Variants in SMYD3 observed in about 807,000 individuals in gnomAD.
SMYD3 encodes SET and MYND domain containing 3, also known as histone-lysine N-methyltransferase SMYD3.
A neutral mutation model predicts 57.7 loss-of-function variants in SMYD3; 36 were observed. That is an observed-to-expected ratio of 0.62 (90% CI 0.48 to 0.82). The LOEUF is 0.82. Ranked by LOEUF, SMYD3 falls within the 40% of genes least tolerant of loss-of-function variation. The probability of loss-of-function intolerance (pLI) is 0.00; values close to 1 mark genes in which losing one functional copy is unlikely to be tolerated. For synonymous variants in SMYD3, 211 were observed against 195.0 expected (o/e 1.08, Z -0.68); for missense variants, 515 against 538.8 (o/e 0.96, Z 0.44).
chr1:245,898,013 C>A (rs2053941381), intron 8 of SMYD3, among the ~76,000 whole-genome samples: 1 of 152,128 alleles, frequency 6.6e-6, no homozygotes, highest in Non-Finnish European at 1.5e-5. Context: ...GGCCTCAGTG[C>A]AGGGAAAAAC....
chr1:245,944,417 T>C (rs1170919755), intron 5 of SMYD3, among the ~76,000 whole-genome samples: 1 of 152,000 alleles, frequency 6.6e-6, no homozygotes, highest in Non-Finnish European at 1.5e-5. Flanking sequence ...ATAAAATACC[T>C]AGGAATACAG....
In SMYD3 at chr1:246,222,974, T is replaced by C. The variant is rs892111718; in HGVS notation, c.531+104227A>G. Among the ~76,000 whole-genome samples the C allele has an allele frequency of 2.8e-4, 42 of 152,162 alleles. 2 individuals carry two copies. Among genetic ancestry groups the C allele is most frequent in the Non-Finnish European group, 7.3e-5 (5 of 68,040 alleles). On this transcript the variant is annotated intron_variant, in intron 5 of 11. Coordinates refer to ENST00000490107, the MANE Select transcript of SMYD3 (RefSeq NM_001167740.2). ...TAGTTTATTCCCTATAGCATGAAGA[T>C]AGATGAAGTTAAATAGTTTATTTCC...
intron 10 of SMYD3, among the ~76,000 whole-genome samples, chr1:245,793,950 C>A (rs141768519): frequency 5.3e-5 from 8 of 151,728 alleles, no homozygotes; most frequent in African/African-American, 1.9e-4. Flanking sequence ...TATTTTTAAC[C>A]CCTTGGTGCA....
chr1:246,053,742 G>C (rs1479268179), intron 5 of SMYD3, among the ~76,000 whole-genome samples: 1 of 151,798 alleles, frequency 6.6e-6, no homozygotes, highest in Non-Finnish European at 1.5e-5. Flanking sequence ...TTTAGCCTGG[G>C]AGTTGGAATC....
intron 5 of SMYD3, among the ~76,000 whole-genome samples, chr1:246,180,745 G>C: frequency 8.8e-6 from 1 of 113,958 alleles, no homozygotes; most frequent in South Asian, 3.3e-4. Context: ...GGGCAACAGA[G>C]CAAGACTCTG....
intron 5 of SMYD3, among the ~76,000 whole-genome samples, chr1:246,323,570 T>A (rs1481792612): frequency 6.6e-6 from 1 of 152,122 alleles, no homozygotes; most frequent in Non-Finnish European, 1.5e-5. Context: ...CGAAATATGC[T>A]CTCGGGATTA....
intron 10 of SMYD3, among the ~76,000 whole-genome samples, chr1:245,848,022 A>G (rs2050751198): frequency 6.6e-6 from 1 of 152,210 alleles, no homozygotes; most frequent in African/African-American, 2.4e-5. Flanking sequence ...ACCTAGTCCC[A>G]GGAGTGGAGT....
chr1:246,346,042 T>C (rs1572403612), intron 2 of SMYD3, among the ~76,000 whole-genome samples: 1 of 152,026 alleles, frequency 6.6e-6, no homozygotes, highest in Admixed American at 6.5e-5. Context: ...CCCAGCACTG[T>C]GGGAGGCCAA....
chr1:246,271,041 T>C (rs1214211631), intron 5 of SMYD3, among the ~76,000 whole-genome samples: 2 of 152,230 alleles, frequency 1.3e-5, no homozygotes, highest in African/African-American at 4.8e-5. Context: ...TCACTGTAGT[T>C]TTGATTTGCA....
intron 7 of SMYD3, among the ~76,000 whole-genome samples, chr1:245,918,723 C>T (rs568884140): frequency 5.3e-5 from 8 of 152,286 alleles, no homozygotes; most frequent in Non-Finnish European, 7.4e-5. Flanking sequence ...TCTGTGGGTC[C>T]CAGTTTCCTT....
intron 5 of SMYD3, among the ~76,000 whole-genome samples, chr1:245,980,281 C>T (rs901465458): frequency 1.3e-5 from 2 of 152,224 alleles, no homozygotes; most frequent in Admixed American, 6.5e-5. Flanking sequence ...GCTCTCCTTG[C>T]ACATGTGTGG....
intron 10 of SMYD3, among the ~76,000 whole-genome samples, chr1:245,804,762 G>T (rs1050308727): frequency 1.3e-5 from 2 of 152,154 alleles, no homozygotes; most frequent in Non-Finnish European, 2.9e-5. Context: ...CCCTCTGGAG[G>T]CCACAGCAAC....
At chr1:245,759,513 G>T (rs938053984) in intron 11 of SMYD3, among the ~76,000 whole-genome samples, 1 of 152,072 alleles carries the variant, frequency 6.6e-6, no homozygotes, top group African/African-American at 2.4e-5. Context: ...CCTAAATAGG[G>T]ACACAACCAA....
chr1:245,987,904 A>T (rs1460156733), intron 5 of SMYD3, among the ~76,000 whole-genome samples: 1 of 152,212 alleles, frequency 6.6e-6, no homozygotes, highest in Non-Finnish European at 1.5e-5. Flanking sequence ...GAAACTTAAA[A>T]AGAAAAAAGA....
chr1:246,262,329 G>A (rs1361101182), intron 5 of SMYD3, among the ~76,000 whole-genome samples: 2 of 152,148 alleles, frequency 1.3e-5, no homozygotes, highest in Non-Finnish European at 2.9e-5. Context: ...TCTTGACATT[G>A]CTTGAGAATG....
chr1:245,755,906 AT>A (rs1228140025), intron 11 of SMYD3, among the ~76,000 whole-genome samples: 2 of 151,866 alleles, frequency 1.3e-5, no homozygotes, highest in African/African-American at 4.8e-5. Flanking sequence ...TACTGACATA[AT>A]TTACAATGTT....
chr1:245,926,170 C>T (rs1331749507), intron 7 of SMYD3, among the ~76,000 whole-genome samples: 1 of 152,186 alleles, frequency 6.6e-6, no homozygotes, highest in Non-Finnish European at 1.5e-5. Context: ...ATCTGGATTA[C>T]TTCCCAAAGA....
intron 1 of SMYD3, among the ~76,000 whole-genome samples, chr1:246,443,444 A>G (rs1422396605): frequency 3.3e-5 from 5 of 152,280 alleles, no homozygotes; most frequent in African/African-American, 9.6e-5. Context: ...ACCATTAAGA[A>G]GCAGCCTCTC....
rs2067920846 is a variant in SMYD3 at position 246,469,023 on chromosome 1, T to A, written c.164+38031A>T. 2.0e-5 allele frequency among the ~76,000 whole-genome samples: 3 copies of A among 152,218 alleles called. No individual in the cohort carries two copies. The South Asian group carries it at 6.2e-4, about 31-fold the overall frequency. On this transcript the variant is annotated intron_variant, in intron 1 of 11. Transcript: ENST00000490107. ...CCTTTTCACGCTAAACCCAGGCTAC[T>A]GCCTACCCACTGGCCCATTCAGTAC...
Sources: allele counts gnomAD v4.1 joint callset (sites outside exome capture counted in the v4.1 genomes callset), GRCh38; gene constraint gnomAD v4.1.1; transcripts MANE v1.5; gene names NCBI Gene and HGNC (gene_info 2026-07-23, HGNC 2026-07-21).